GRID1: variants seen among roughly 807,000 people sequenced by gnomAD.
The protein encoded by GRID1 is glutamate receptor ionotropic, delta-1.
A neutral mutation model predicts 98.0 loss-of-function variants in GRID1; 28 were observed. That is an observed-to-expected ratio of 0.29 (90% CI 0.21 to 0.39). The LOEUF is 0.39. Ranked by LOEUF, GRID1 falls within the 10% of genes least tolerant of loss-of-function variation. The pLI is 1.00. For missense variants in GRID1, 1,111 were observed against 1,340.5 expected, an observed-to-expected ratio of 0.83 and a Z score of 2.67; for synonymous variants, 553 against 538.5, an observed-to-expected ratio of 1.03 and a Z score of -0.37.
At chr10:86,027,758 A>G (rs568536070) in intron 4 of GRID1, among the ~76,000 whole-genome samples, 1 of 152,336 alleles carries the variant, frequency 6.6e-6, no homozygotes, top group African/African-American at 2.4e-5. Context: ...TTGCCTACAC[A>G]TCAGACATCT....
intron 12 of GRID1, among the ~76,000 whole-genome samples, chr10:85,702,075 G>T (rs1372921912): frequency 6.6e-6 from 1 of 152,078 alleles, no homozygotes; most frequent in Non-Finnish European, 1.5e-5. Context: ...ATAATATTGT[G>T]TTAAAGATAC....
chr10:85,893,958 C>A (rs1841242195), intron 5 of GRID1, among the ~76,000 whole-genome samples: 2 of 152,196 alleles, frequency 1.3e-5, no homozygotes, highest in Admixed American at 1.3e-4. Context: ...CTTGTCTCAC[C>A]CTAGTCCCAC....
In GRID1 at chr10:85,647,417, C is replaced by A; in HGVS notation, c.1998-20G>T. 1.3e-6 allele frequency: 2 copies of A among 1,599,922 alleles called. No homozygotes were observed. Among genetic ancestry groups the A allele is most frequent in the Non-Finnish European group, 1.7e-6 (2 of 1,167,940 alleles). On this transcript the variant is annotated intron_variant, in intron 12 of 15. Transcript: ENST00000327946. Reference sequence around the variant, plus strand: ...AAAGTCCTGAAATGCAGAAAGGCAGCGAGGCATGAGTACATGCTGTGCATT... The same window carrying A: ...AAAGTCCTGAAATGCAGAAAGGCAGAGAGGCATGAGTACATGCTGTGCATT...
chr10:85,865,918 T>TATATATATATATATATACACATATATAC (rs1554836180), intron 6 of GRID1, among the ~76,000 whole-genome samples: 1 of 94,532 alleles, frequency 1.1e-5, no homozygotes, highest in African/African-American at 4.0e-5. Context: ...TATACATATA[T>TATATATATATATATATACACATATATAC]ATATATATAT....
At position 85,977,989 on chromosome 10, in the gene GRID1, A is replaced by G. The variant is rs558706357; in HGVS notation, c.727-61750T>C. Among the ~76,000 whole-genome samples, 5 of 152,328 alleles carry G rather than the reference A, an allele frequency of 3.3e-5. No homozygotes were observed. The East Asian group carries it at 9.6e-4, about 29-fold the overall frequency. ...GGCCCACATGAGAGTGCCGAGGTCA[A>G]TTGGGCCAGAGGGCCAAAAGAGCCT... On this transcript the variant is annotated intron_variant, in intron 4 of 15. Coordinates refer to ENST00000327946, the MANE Select transcript of GRID1 (RefSeq NM_017551.3).
At chr10:86,123,352 G>A (rs1177635209) in intron 4 of GRID1, among the ~76,000 whole-genome samples, 3 of 152,172 alleles carry the variant, frequency 2.0e-5, no homozygotes, top group African/African-American at 2.4e-5. Context: ...ATGTGGTGTG[G>A]GATGTCCCAT....
At chr10:86,092,264 C>T (rs1000095664) in intron 4 of GRID1, among the ~76,000 whole-genome samples, 1 of 152,128 alleles carries the variant, frequency 6.6e-6, no homozygotes, top group African/African-American at 2.4e-5. Flanking sequence ...GAGAAGTATT[C>T]ATGGAAATAG....
chr10:86,080,378 AAAGGAAAGGGAAGGG>A (rs1564668568), intron 4 of GRID1, among the ~76,000 whole-genome samples: 5 of 77,988 alleles, frequency 6.4e-5, no homozygotes, highest in African/African-American at 2.9e-4. Context: ...GAGAAAAAGG[AAAGGAAAGGGAAGGG>A]AAGGGAAGGG....
chr10:85,641,008 T>A (rs1843109968), intron 13 of GRID1, among the ~76,000 whole-genome samples: 2 of 152,360 alleles, frequency 1.3e-5, no homozygotes, highest in South Asian at 4.1e-4. Context: ...AACAAGCTAC[T>A]CATCTATTTA....
At chr10:85,624,924 TA>T (rs1250285862) in intron 13 of GRID1, among the ~76,000 whole-genome samples, 1 of 152,090 alleles carries the variant, frequency 6.6e-6, no homozygotes, top group Non-Finnish European at 1.5e-5. Context: ...GAAATAACAA[TA>T]AATTATGATT....
intron 5 of GRID1, among the ~76,000 whole-genome samples, chr10:85,914,739 C>A (rs1246540747): frequency 1.3e-5 from 2 of 152,166 alleles, no homozygotes; most frequent in African/African-American, 2.4e-5. Context: ...AATGAGGAAA[C>A]AGACATCATA....
At chr10:86,308,803 A>G (rs7920728) in intron 2 of GRID1, among the ~76,000 whole-genome samples, 4,544 of 152,228 alleles carry the variant, frequency 0.03, 233 homozygotes, top group African/African-American at 0.1. Flanking sequence ...AGGGCAGGAG[A>G]GCACGAGAGA....
At chr10:85,766,001 A>C (rs1027533095) in intron 8 of GRID1, among the ~76,000 whole-genome samples, 1 of 152,210 alleles carries the variant, frequency 6.6e-6, no homozygotes, top group Non-Finnish European at 1.5e-5. Context: ...TGCTGACTCA[A>C]CTGGTCTCAT....
intron 2 of GRID1, among the ~76,000 whole-genome samples, chr10:86,274,633 T>C (rs1847240022): frequency 6.6e-6 from 1 of 152,102 alleles, no homozygotes; most frequent in Non-Finnish European, 1.5e-5. Context: ...TCACGTCCCT[T>C]GTAAGTTAGA....
At chr10:85,784,776 C>T (rs1045008943) in intron 8 of GRID1, among the ~76,000 whole-genome samples, 2 of 152,106 alleles carry the variant, frequency 1.3e-5, no homozygotes, top group Non-Finnish European at 2.9e-5. Flanking sequence ...GCTTTAAGGA[C>T]GAGGTGTGCA....
chr10:86,364,211 A>T, intron 1 of GRID1, 115 bp from the exon 2 acceptor site: 1 of 810,402 alleles, frequency 1.2e-6, no homozygotes, highest in Non-Finnish European at 2.0e-6. Context: ...GGGAAGTCTG[A>T]ACTGGGATTT....
At chr10:85,879,419 G>A (rs1461367385) in intron 5 of GRID1, among the ~76,000 whole-genome samples, 1 of 152,136 alleles carries the variant, frequency 6.6e-6, no homozygotes, top group Admixed American at 6.5e-5. Context: ...GTAACAAACT[G>A]TCTCTCAGAC....
intron 14 of GRID1, among the ~76,000 whole-genome samples, chr10:85,617,974 C>A (rs921013840): frequency 1.3e-5 from 2 of 152,218 alleles, no homozygotes; most frequent in African/African-American, 4.8e-5. Flanking sequence ...CTTCTGCCCC[C>A]AGCAAGGCTT....
At chr10:85,774,384 C>T (rs1422647960) in intron 8 of GRID1, among the ~76,000 whole-genome samples, 2 of 152,088 alleles carry the variant, frequency 1.3e-5, no homozygotes, top group Non-Finnish European at 2.9e-5. Flanking sequence ...AGAAGAAAAC[C>T]TAGGCATTAC....
Sources: allele counts gnomAD v4.1 joint callset (sites outside exome capture counted in the v4.1 genomes callset), GRCh38; gene constraint gnomAD v4.1.1; transcripts MANE v1.5; gene names NCBI Gene and HGNC (gene_info 2026-07-23, HGNC 2026-07-21).